Variants in NKAIN3 observed in about 807,000 individuals in gnomAD.
NKAIN3 encodes sodium/potassium transporting ATPase interacting 3.
A neutral mutation model predicts 30.2 loss-of-function variants in NKAIN3; 25 were observed. The observed-to-expected ratio is 0.83, with a 90% CI of 0.60 to 1.16. The LOEUF is 1.16. NKAIN3 is among the 50% of genes most tolerant of loss of function. The pLI, the probability that NKAIN3 is intolerant of heterozygous loss-of-function variation, is 0.00. For missense variants in NKAIN3, 225 were observed against 254.1 expected (o/e 0.89, Z 0.78); for synonymous variants, 91 against 89.6 (o/e 1.02, Z -0.09).
At chr8:62,916,458 G>A (rs945038305) in intron 4 of NKAIN3, among the ~76,000 whole-genome samples, 8 of 152,268 alleles carry the variant, frequency 5.3e-5, no homozygotes, top group Middle Eastern at 6.8e-3. Context: ...TCTTGTGTAT[G>A]TAACTGGTTT....
chr8:62,465,634 G>A (rs1378055485), intron 1 of NKAIN3, among the ~76,000 whole-genome samples: 1 of 152,210 alleles, frequency 6.6e-6, no homozygotes, highest in Non-Finnish European at 1.5e-5. Flanking sequence ...ACAGCTGTGA[G>A]TTGAACAATG....
At position 62,581,829 on chromosome 8, in the gene NKAIN3, C is replaced by T. The variant is rs1236587738; in HGVS notation, c.192+2153C>T. Among the ~76,000 whole-genome samples, 2 of 30,266 alleles carry T rather than the reference C, an allele frequency of 6.6e-5. 1 individual carries two copies. The highest frequency in any genetic ancestry group is 1.7e-4 in the Non-Finnish European group (2 of 12,056). The allele number at this position is 30,266 out of a possible 152,430, so 19.9% of individuals were successfully genotyped here. On this transcript the variant is annotated intron_variant, in intron 2 of 6. Transcript: ENST00000623646. Reference sequence around the variant, plus strand: ...CCTCCCTTCCTTCTTTACTTCCTTCCCTCTTTCCTTTTTTCCTTCCTCCCT... The same window carrying T: ...CCTCCCTTCCTTCTTTACTTCCTTCTCTCTTTCCTTTTTTCCTTCCTCCCT...
intron 3 of NKAIN3, among the ~76,000 whole-genome samples, chr8:62,636,224 C>T (rs1812123191): frequency 6.6e-6 from 1 of 152,170 alleles, no homozygotes; most frequent in Non-Finnish European, 1.5e-5. Flanking sequence ...GTACTCATTT[C>T]ACAGTCTGTG....
At chr8:62,411,765 T>A (rs1804243296) in intron 1 of NKAIN3, among the ~76,000 whole-genome samples, 1 of 152,094 alleles carries the variant, frequency 6.6e-6, no homozygotes. Context: ...CAATAATTCC[T>A]GGCTAAGAGT....
At chr8:62,916,224 T>C (rs1257801034) in intron 4 of NKAIN3, among the ~76,000 whole-genome samples, 2 of 152,194 alleles carry the variant, frequency 1.3e-5, no homozygotes, top group Non-Finnish European at 2.9e-5. Context: ...TTAATATTTT[T>C]CACAATATTA....
At chr8:62,710,584 AC>A (rs1431291268) in intron 3 of NKAIN3, among the ~76,000 whole-genome samples, 1 of 151,858 alleles carries the variant, frequency 6.6e-6, no homozygotes, top group East Asian at 1.9e-4. Flanking sequence ...GCCTTTTTCT[AC>A]CCCTTTATTT....
intron 1 of NKAIN3, among the ~76,000 whole-genome samples, chr8:62,515,382 T>C (rs1807953860): frequency 1.3e-5 from 2 of 152,138 alleles, no homozygotes; most frequent in Non-Finnish European, 2.9e-5. Context: ...CATAAACCTT[T>C]CACATTTTCT....
rs566575344 is a variant in NKAIN3, at chr8:62,877,234, G to C, written c.472-41219G>C. The stretch of plus-strand genomic sequence containing the variant: ...AGAGAGGAAGAGGAAAGGACTAGTA[G>C]TGAAAAAAATACAAAATACCCATTC... On this transcript the variant is annotated intron_variant, in intron 4 of 6. Coordinates refer to ENST00000623646, the MANE Select transcript of NKAIN3 (RefSeq NM_001304533.3). Among the ~76,000 whole-genome samples the C allele has an allele frequency of 3.3e-5, 5 of 152,248 alleles. No individual in the cohort carries two copies. In the South Asian group the frequency reaches 1.0e-3, roughly 32 times the overall value.
rs141443243 is a variant in NKAIN3, at chr8:62,386,914, T to TGAGAGAGA, written c.54+137808_54+137815dup. ...TACTTGGTGTTTCCGAATTGATATA[T>TGAGAGAGA]GAGAGAGAGAGAGAGAGAGAGAGAG... On this transcript the variant is annotated intron_variant, in intron 1 of 6. Coordinates refer to ENST00000623646, the MANE Select transcript of NKAIN3 (RefSeq NM_001304533.3). Among the ~76,000 whole-genome samples, 94 of 147,978 alleles carry TGAGAGAGA rather than the reference T, an allele frequency of 6.4e-4. No individual in the cohort carries two copies. The East Asian group carries it at 8.6e-3, about 14-fold the overall frequency.
At chr8:62,801,186 C>T (rs1818050963) in intron 4 of NKAIN3, among the ~76,000 whole-genome samples, 1 of 152,218 alleles carries the variant, frequency 6.6e-6, no homozygotes, top group South Asian at 2.1e-4. Flanking sequence ...CCTCTGGGGG[C>T]AGGGCACAGA....
Position 62,407,424 on chromosome 8 carries a change from C to T in NKAIN3, c.54+158297C>T, listed in dbSNP as rs1326909776. Among the ~76,000 whole-genome samples the T allele has an allele frequency of 2.7e-3, 9 of 3,340 alleles. No homozygotes were observed. The East Asian group carries it at 0.052, about 19-fold the overall frequency. The allele number at this position is 3,340 out of a possible 152,430, so 2.2% of individuals were successfully genotyped here. On this transcript the variant is annotated intron_variant, in intron 1 of 6. Transcript: ENST00000623646. ...TTGTTTTTTTTTTTTTTTTTTGAGA[C>T]GGAGTCTCGTGTCACCGGGCTGGAG...
chr8:62,739,577 T>C (rs1301210077), intron 3 of NKAIN3, among the ~76,000 whole-genome samples: 2 of 152,166 alleles, frequency 1.3e-5, no homozygotes, highest in African/African-American at 4.8e-5. Context: ...TTGAAATCCA[T>C]GCATAGGTTT....
At chr8:62,930,261 T>C (rs971615025) in intron 5 of NKAIN3, among the ~76,000 whole-genome samples, 2 of 110,344 alleles carry the variant, frequency 1.8e-5, no homozygotes, top group Non-Finnish European at 3.6e-5. Context: ...CATTCTACCT[T>C]TTTTTTTTGG....
chr8:62,373,483 A>T (rs1458703851), intron 1 of NKAIN3, among the ~76,000 whole-genome samples: 1 of 152,096 alleles, frequency 6.6e-6, no homozygotes, highest in Non-Finnish European at 1.5e-5. Flanking sequence ...GATTATACTG[A>T]TCTGTTTTGC....
At chr8:62,843,515 T>C (rs1217864978) in intron 4 of NKAIN3, among the ~76,000 whole-genome samples, 1 of 151,722 alleles carries the variant, frequency 6.6e-6, no homozygotes, top group East Asian at 1.9e-4. Flanking sequence ...TTTTATATTT[T>C]TAGTAAAGAC....
chr8:62,892,129 T>A (rs565249447), intron 4 of NKAIN3, among the ~76,000 whole-genome samples: 2 of 152,346 alleles, frequency 1.3e-5, no homozygotes, highest in South Asian at 2.1e-4. Context: ...ACTTAATAGT[T>A]CCTTTTTATA....
chr8:62,292,682 T>C (rs1328779586), intron 1 of NKAIN3, among the ~76,000 whole-genome samples: 1 of 152,218 alleles, frequency 6.6e-6, no homozygotes, highest in Non-Finnish European at 1.5e-5. Flanking sequence ...TTTTCCTTCA[T>C]TTCAACTTTG....
intron 4 of NKAIN3, among the ~76,000 whole-genome samples, chr8:62,862,574 T>C (rs529742191): frequency 6.6e-6 from 1 of 152,270 alleles, no homozygotes; most frequent in East Asian, 1.9e-4. Flanking sequence ...TTTTCCTTCC[T>C]TCATGAAAAG....
chr8:62,519,887 A>C (rs1341944939), intron 1 of NKAIN3, among the ~76,000 whole-genome samples: 1 of 152,092 alleles, frequency 6.6e-6, no homozygotes, highest in African/African-American at 2.4e-5. Flanking sequence ...CCCTGTGCAG[A>C]CTGGCCAGAT....
Sources: gnomAD v4.1 joint callset for allele counts (sites outside exome capture counted in the v4.1 genomes callset) on GRCh38, gnomAD v4.1.1 for gene constraint, MANE v1.5 for transcripts, NCBI Gene and HGNC (gene_info 2026-07-23, HGNC 2026-07-21) for gene names.